CLSTN3: variants seen among roughly 807,000 people sequenced by gnomAD.
The protein encoded by CLSTN3 is calsyntenin-3.
A neutral mutation model predicts 95.9 loss-of-function variants in CLSTN3; 36 were observed. The ratio of observed to expected loss-of-function variants is 0.38; its 90% CI spans 0.29 to 0.50. The LOEUF (loss-of-function observed/expected upper bound fraction) is 0.50, where lower values mean the gene tolerates loss of function less well. Ranked by LOEUF, CLSTN3 falls within the 20% of genes least tolerant of loss-of-function variation. The pLI is 0.95. For synonymous variants in CLSTN3, 481 were observed against 504.0 expected (o/e 0.95, Z 0.61); for missense variants, 1,084 against 1,268.8 (o/e 0.85, Z 2.21).
intron 16 of CLSTN3, chr12:7,156,257 C>T (rs1322361858): frequency 2.2e-6 from 1 of 456,734 alleles, no homozygotes; most frequent in African/African-American, 2.0e-5. Context: ...CCTGGAGGTG[C>T]GTGTGTGGGG....
At chr12:7,129,109 G>A, upstream of CLSTN3, 1 of 303,556 alleles carries the variant, frequency 3.3e-6, no homozygotes, top group Non-Finnish European at 6.5e-6. The surrounding 1 kb of genome is among the most constrained non-coding windows in gnomAD (Gnocchi z 5.5). Flanking sequence ...AGCAGGATCT[G>A]GGGCTGTCAG....
In CLSTN3 at chr12:7,141,839, C is replaced by T. The variant is rs371521081; in HGVS notation, c.1487-247C>T. Among the ~76,000 whole-genome samples the T allele has an allele frequency of 5.3e-5, 8 of 152,132 alleles. No individual in the cohort carries two copies. Among genetic ancestry groups the T allele is most frequent in the South Asian group, 4.1e-4 (2 of 4,832 alleles). On this transcript the variant is annotated intron_variant, in intron 9 of 17. Transcript: ENST00000266546. This position sits in a 1 kb window ranked among gnomAD's most constrained non-coding sequence, Gnocchi z 4.1. ...TGCCTGTCTGTCTTACCAGAGCCCA[C>T]GTGTTTCCTCAGCAGCATATCGTAT...
intron 12 of CLSTN3, among the ~76,000 whole-genome samples, chr12:7,144,719 T>C (rs1328275310): frequency 2.6e-5 from 4 of 152,190 alleles, no homozygotes; most frequent in Admixed American, 2.0e-4. Flanking sequence ...TATATGAAGA[T>C]AAACATCTCA....
Position 7,133,763 on chromosome 12 carries a change from C to G in CLSTN3, c.378C>G (p.Ser126=). The change falls in exon 3 of 18, where the codon TCC becomes TCG. Residue 126 remains serine (S), a synonymous_variant. Coordinates refer to ENST00000266546, the MANE Select transcript of CLSTN3 (RefSeq NM_014718.4). The surrounding 1 kb of genome is among the most constrained non-coding windows in gnomAD (Gnocchi z 4.7). ...EGPDGANTKK[S]HKATVHVRVN... ...CCGACGGGGCCAACACCAAGAAGTCCCACAAGTGAGGAAGTCCTTGTCTCC... is the reference window on the plus strand; with the variant it reads ...CCGACGGGGCCAACACCAAGAAGTCGCACAAGTGAGGAAGTCCTTGTCTCC... The G allele has an allele frequency of 1.9e-6, 3 of 1,565,556 alleles. 1 individual carries two copies. The South Asian group carries it at 3.6e-5, about 19-fold the overall frequency.
chr12:7,137,022 C>A lies in CLSTN3; in HGVS notation c.1122C>A (p.Phe374Leu), dbSNP rs867263612. 4 of 1,614,238 alleles carry A rather than the reference C, an allele frequency of 2.5e-6. No individual in the cohort carries two copies. The highest frequency in any genetic ancestry group is 3.4e-6 in the Non-Finnish European group (4 of 1,180,030). ...SGPQDSLSDH[F>L]TLSFWMKHGV... Reference sequence around the variant, plus strand: ...CCCAGGACAGCCTCAGTGACCACTTCACCCTGTCCTTCTGGATGAAGCATG... The same window carrying A: ...CCCAGGACAGCCTCAGTGACCACTTAACCCTGTCCTTCTGGATGAAGCATG... Residue 374 changes from phenylalanine to leucine, a missense_variant, in exon 7 of 18, where the codon TTC becomes TTA. Phe to Leu is a conservative substitution (Grantham distance 22). Coordinates refer to ENST00000266546, the MANE Select transcript of CLSTN3 (RefSeq NM_014718.4). This position sits in a 1 kb window ranked among gnomAD's most constrained non-coding sequence, Gnocchi z 4.4.
intron 8 of CLSTN3, among the ~76,000 whole-genome samples, chr12:7,139,774 T>C (rs1939497251): frequency 6.6e-6 from 1 of 152,064 alleles, no homozygotes; most frequent in Non-Finnish European, 1.5e-5. Context: ...TCAGCTTCCC[T>C]AGTAGTTGGG....
At chr12:7,131,487 T>G (rs1939300581) in intron 1 of CLSTN3, 2 of 269,324 alleles carry the variant, frequency 7.4e-6, no homozygotes, top group Admixed American at 4.6e-5. Context: ...AAGGAGGGGA[T>G]GGAAAAGGGT....
At chr12:7,153,890 G>A (rs368509328) in intron 16 of CLSTN3, among the ~76,000 whole-genome samples, 1 of 152,200 alleles carries the variant, frequency 6.6e-6, no homozygotes, top group African/African-American at 2.4e-5. Flanking sequence ...GGCTGGTCTG[G>A]CGGGCAGCGT....
intron 1 of CLSTN3, chr12:7,131,105 G>A (rs1226986868): frequency 5.5e-6 from 2 of 360,434 alleles, no homozygotes; most frequent in Non-Finnish European, 1.0e-5. Flanking sequence ...CATGCTAAGG[G>A]TGTGTGGCAG....
At chr12:7,153,286 A>G (rs975599544) in intron 16 of CLSTN3, among the ~76,000 whole-genome samples, 3 of 152,152 alleles carry the variant, frequency 2.0e-5, no homozygotes, top group African/African-American at 7.2e-5. Context: ...CCTGAGGAGC[A>G]GATGCATGCC....
chr12:7,133,599 G>T lies in CLSTN3; in HGVS notation c.214G>T (p.Gly72Trp). ...TGAGATCTGCGGCTTCCGGCTCCAT[G>T]GGTCTGGGGTGCCCTTTGAGGCTGT... is the stretch of plus-strand genomic sequence containing the variant. ...AGEICGFRLH[G>W]SGVPFEAVIL... Residue 72 changes from glycine to tryptophan, a missense_variant, in exon 3 of 18, where the codon GGG becomes TGG. Gly to Trp is a radical substitution (Grantham distance 184). Transcript: ENST00000266546. This position sits in a 1 kb window ranked among gnomAD's most constrained non-coding sequence, Gnocchi z 4.7. 6.2e-7 allele frequency: 1 copy of T among 1,614,098 alleles called. No individual in the cohort carries two copies. Among genetic ancestry groups the T allele is most frequent in the Non-Finnish European group, 8.5e-7 (1 of 1,180,010 alleles).
rs887508153 is a variant in CLSTN3, at chr12:7,149,293, G to A, written c.2074+95G>A. 7 of 1,115,856 alleles carry A rather than the reference G, an allele frequency of 6.3e-6. No homozygotes were observed. The African/African-American group carries it at 7.8e-5, about 12-fold the overall frequency. The allele number at this position is 1,115,856 out of a possible 1,614,324, so 69.1% of individuals were successfully genotyped here. A position where few individuals can be genotyped will look rare whatever the true frequency, so the allele number is the denominator to read the frequency against. ...ACTCCTGGGGCTGGAAGCAGAAAGC[G>A]ACTCCATCCTGTGTTTGTTTGACTG... On this transcript the variant is annotated intron_variant, in intron 13 of 17. Coordinates refer to ENST00000266546, the MANE Select transcript of CLSTN3 (RefSeq NM_014718.4). The surrounding 1 kb of genome is among the most constrained non-coding windows in gnomAD (Gnocchi z 4.5).
upstream of CLSTN3, chr12:7,130,063 T>G: frequency 5.0e-6 from 1 of 201,664 alleles, no homozygotes; most frequent in East Asian, 1.6e-4. Flanking sequence ...GGTGACGCGG[T>G]GCCACCCCTC....
Position 7,157,388 on chromosome 12 carries a change from G to A in CLSTN3, c.2528-101G>A. The A allele has an allele frequency of 9.8e-7, 1 of 1,019,582 alleles. No individual in the cohort carries two copies. The highest frequency in any genetic ancestry group is 1.4e-6 in the Non-Finnish European group (1 of 715,884). The allele number at this position is 1,019,582 out of a possible 1,614,324, so 63.2% of individuals were successfully genotyped here. On this transcript the variant is annotated intron_variant, in intron 16 of 17. Coordinates refer to ENST00000266546, the MANE Select transcript of CLSTN3 (RefSeq NM_014718.4). The surrounding 1 kb of genome is among the most constrained non-coding windows in gnomAD (Gnocchi z 5.9). The stretch of plus-strand genomic sequence containing the variant: ...GGCCACCGTGTGTTCTGCCCTGGGA[G>A]TCCTTCAGCCCGGGCTGCCTCTTTT...
chr12:7,130,419 G>C lies in CLSTN3; in HGVS notation c.-230G>C. Reference sequence around the variant, plus strand: ...TGGGAGTGAGAGAGTGAGGACGCTGGGCTGGGGGAAACGGGAAGCCGCTGC... The same window carrying C: ...TGGGAGTGAGAGAGTGAGGACGCTGCGCTGGGGGAAACGGGAAGCCGCTGC... On this transcript the variant is annotated 5_prime_UTR_variant, in exon 1 of 18. Coordinates refer to ENST00000266546, the MANE Select transcript of CLSTN3 (RefSeq NM_014718.4). 6.9e-7 allele frequency: 1 copy of C among 1,452,362 alleles called. No individual in the cohort carries two copies. Among genetic ancestry groups the C allele is most frequent in the South Asian group, 1.4e-5 (1 of 70,702 alleles). 90.0% of individuals were successfully genotyped at this position (1,452,362 alleles called of 1,614,324 possible). A position where few individuals can be genotyped will look rare whatever the true frequency, so the allele number is the denominator to read the frequency against.
At position 7,151,012 on chromosome 12, in the gene CLSTN3, C is replaced by G. The variant is rs758860557; in HGVS notation, c.2476C>G (p.Pro826Ala). The stretch of plus-strand genomic sequence containing the variant: ...GCAGTTCCTGCACCGTGGTCACCAG[C>G]CCCCGCCTGAGATGGCTGGACACAG... The part of the protein sequence containing the change: ...SQQFLHRGHQ[P>A]PPEMAGHSLA... The change falls in exon 16 of 18, where the codon CCC (proline) becomes GCC (alanine). Residue 826 changes from proline to alanine, a missense_variant. By Grantham distance (27) the Pro-to-Ala change is conservative (BLOSUM62 -1). Transcript: ENST00000266546. The G allele has an allele frequency of 1.2e-6, 2 of 1,612,446 alleles. No homozygotes were observed. The highest frequency in any genetic ancestry group is 3.3e-5 in the Admixed American group (2 of 59,794).
chr12:7,143,020 C>A lies in CLSTN3; in HGVS notation c.1692C>A (p.Gly564=). ...DYRDFESLGK[G]MKVHVNPSQS... is the part of the protein sequence containing the mutation. ...GGGATTTCGAGAGCCTGGGCAAAGG[C>A]ATGAAGGTATTGCCCCATCCTCTAG... Residue 564 remains glycine (G), a synonymous_variant, in exon 11 of 18, where the codon GGC becomes GGA. Transcript: ENST00000266546. 6.2e-7 allele frequency: 1 copy of A among 1,613,538 alleles called. No homozygotes were observed.
chr12:7,135,695 C>T (rs1165559894), intron 4 of CLSTN3, 109 bp from the exon 5 acceptor site: 13 of 1,420,766 alleles, frequency 9.1e-6, no homozygotes, highest in South Asian at 1.3e-5. Context: ...TTTTTCCCAG[C>T]GTCCTGCTGC....
At position 7,149,078 on chromosome 12, in the gene CLSTN3, G is replaced by C; in HGVS notation, c.1954G>C (p.Ala652Pro). 6.2e-7 allele frequency: 1 copy of C among 1,614,202 alleles called. No individual in the cohort carries two copies. The highest frequency in any genetic ancestry group is 8.5e-7 in the Non-Finnish European group (1 of 1,180,040). ...CCTGCTGAGTGGCACTGCTCATTTT[G>C]CCCGCCCAGCTGTGGACTTTGAGGG... is the stretch of plus-strand genomic sequence containing the variant. Reference protein sequence around the residue: ...QILLSGTAHFARPAVDFEGTN... With the variant: ...QILLSGTAHFPRPAVDFEGTN... The change falls in exon 13 of 18, where the codon GCC becomes CCC. Residue 652 changes from alanine to proline, a missense_variant. Ala to Pro is a conservative substitution (Grantham distance 27). Transcript: ENST00000266546. This position sits in a 1 kb window ranked among gnomAD's most constrained non-coding sequence, Gnocchi z 4.5.
Sources: allele counts gnomAD v4.1 joint callset (sites outside exome capture counted in the v4.1 genomes callset), GRCh38; gene constraint gnomAD v4.1.1; non-coding constraint Gnocchi (gnomAD v3.1); transcripts MANE v1.5; gene names NCBI Gene and HGNC (gene_info 2026-07-23, HGNC 2026-07-21).